Variants in RYR3 observed in about 807,000 individuals in gnomAD.
RYR3 encodes the protein ryanodine receptor 3.
RYR3 carries 207 observed loss-of-function variants against 584.3 expected under a neutral mutation model. The observed-to-expected ratio is 0.35, with a 90% CI of 0.32 to 0.40. RYR3 has a LOEUF of 0.40. Among genes scored for constraint, RYR3 ranks in the 10% least tolerant of loss-of-function variants. The probability of loss-of-function intolerance (pLI) is 1.00; values close to 1 mark genes in which losing one functional copy is unlikely to be tolerated. For synonymous variants in RYR3, 2,416 were observed against 2,248.5 expected (o/e 1.07, Z -2.11); for missense variants, 5,616 against 6,089.2 (o/e 0.92, Z 2.59).
At position 33,750,608 on chromosome 15, in the gene RYR3, C is replaced by T. The variant is rs1000348956; in HGVS notation, c.8399+322C>T. On this transcript the variant is annotated intron_variant, in intron 57 of 103. Transcript: ENST00000634891. ...CTAAGGCCCTTTCTTTGTATATTCT[C>T]TTTATTGGAGTTATAAATGACATCC... Among the ~76,000 whole-genome samples, 5 of 152,312 alleles carry T rather than the reference C, an allele frequency of 3.3e-5. No homozygotes were observed. The East Asian group carries it at 9.6e-4, about 29-fold the overall frequency.
intron 1 of RYR3, among the ~76,000 whole-genome samples, chr15:33,316,956 C>G (rs1968260939): frequency 1.3e-5 from 2 of 152,328 alleles, no homozygotes; most frequent in East Asian, 3.9e-4. Context: ...CCAACTGCAA[C>G]TATTCTTAAG....
intron 43 of RYR3, among the ~76,000 whole-genome samples, chr15:33,714,985 G>A (rs1303014108): frequency 1.3e-5 from 2 of 152,240 alleles, no homozygotes; most frequent in Admixed American, 6.5e-5. Flanking sequence ...AAATGATGGT[G>A]TTTATTGGAA....
At chr15:33,359,593 CTTATTTAT>C (rs34142769) in intron 1 of RYR3, among the ~76,000 whole-genome samples, 3,521 of 144,886 alleles carry the variant, frequency 0.024, 46 homozygotes, top group Middle Eastern at 0.033. Flanking sequence ...TCCCTGACCC[CTTATTTAT>C]TTATTTATTT....
intron 19 of RYR3, among the ~76,000 whole-genome samples, chr15:33,623,453 A>G (rs904780205): frequency 6.6e-6 from 1 of 152,332 alleles, no homozygotes. Context: ...TATGATCTTT[A>G]CAGAGAATAA....
In RYR3 at chr15:33,769,108, C is replaced by G; in HGVS notation, c.8756-4C>G. 1.9e-6 allele frequency: 3 copies of G among 1,609,954 alleles called. No individual in the cohort carries two copies. Among genetic ancestry groups the G allele is most frequent in the East Asian group, 2.2e-5 (1 of 44,856 alleles). ...GGAATCACAGATGATTTTTTTTATT[C>G]CAGGTAGTGATTCTACTACAATGGT... On this transcript the variant is annotated splice_polypyrimidine_tract_variant and splice_region_variant and intron_variant, in intron 61 of 103. Transcript: ENST00000634891.
chr15:33,462,186 G>T (rs1285806477), intron 1 of RYR3, among the ~76,000 whole-genome samples: 1 of 152,066 alleles, frequency 6.6e-6, no homozygotes, highest in Non-Finnish European at 1.5e-5. Flanking sequence ...TAACTTTATA[G>T]AGCATCTTTT....
chr15:33,760,492 C>A (rs1289067688), intron 60 of RYR3, among the ~76,000 whole-genome samples: 3 of 151,976 alleles, frequency 2.0e-5, no homozygotes, highest in African/African-American at 7.3e-5. Context: ...CAACAAAGAT[C>A]AAAAAAGACA....
At chr15:33,699,868 C>G (rs1198664519) in intron 41 of RYR3, 35 bp downstream of exon 41, 3 of 1,599,614 alleles carry the variant, frequency 1.9e-6, no homozygotes, top group African/African-American at 2.7e-5. Flanking sequence ...CACATCCAAA[C>G]TCGAAGGTTA....
At position 33,810,531 on chromosome 15, in the gene RYR3, A is replaced by T. The variant is rs1441061793; in HGVS notation, c.10079A>T (p.Tyr3360Phe). Residue 3360 changes from tyrosine (Y) to phenylalanine (F), a missense_variant, in exon 71 of 104, where the codon TAT (tyrosine) becomes TTT (phenylalanine). Tyr to Phe is a conservative substitution (Grantham distance 22). Transcript: ENST00000634891. ...AAGACAAAGCGGCGGGGAGACTTGT[A>T]TTCCATCCAGACCTCCCTCATCGTG... ...RKKTKRRGDL[Y>F]SIQTSLIVAA... 6.2e-7 allele frequency: 1 copy of T among 1,614,004 alleles called. No individual in the cohort carries two copies. The highest frequency in any genetic ancestry group is 8.5e-7 in the Non-Finnish European group (1 of 1,179,880).
At chr15:33,800,745 C>G (rs370690313) in intron 67 of RYR3, 25 bp from the exon 68 acceptor site, 17 of 1,541,042 alleles carry the variant, frequency 1.1e-5, no homozygotes, top group Non-Finnish European at 1.5e-5. Flanking sequence ...ATTTCAAATG[C>G]CTGTTTATTT....
At chr15:33,602,308 T>A (rs1440040396) in intron 17 of RYR3, among the ~76,000 whole-genome samples, 1 of 152,230 alleles carries the variant, frequency 6.6e-6, no homozygotes, top group Non-Finnish European at 1.5e-5. Flanking sequence ...TCTAAAAGTA[T>A]GATTCCTAAC....
intron 85 of RYR3, among the ~76,000 whole-genome samples, chr15:33,828,354 C>T (rs180753828): frequency 2.2e-3 from 338 of 152,316 alleles, no homozygotes; most frequent in Admixed American, 4.1e-3. Flanking sequence ...GGAAGAGTCA[C>T]ACATCTCCCA....
At chr15:33,781,808 T>C (rs1212521119) in intron 65 of RYR3, among the ~76,000 whole-genome samples, 1 of 143,856 alleles carries the variant, frequency 7.0e-6, no homozygotes, top group Admixed American at 6.8e-5. Context: ...CCTCAACCGC[T>C]TCAGCCTCAT....
At chr15:33,631,136 C>T (rs752620073) in intron 22 of RYR3, 74 bp from the exon 23 acceptor site, 26 of 914,040 alleles carry the variant, frequency 2.8e-5, no homozygotes, top group Admixed American at 5.2e-5. Flanking sequence ...GTTTTCAACT[C>T]GGATGTGAAT....
At chr15:33,514,006 A>G (rs1356859641) in intron 3 of RYR3, among the ~76,000 whole-genome samples, 16 of 152,154 alleles carry the variant, frequency 1.1e-4, no homozygotes, top group Admixed American at 1.0e-3. Flanking sequence ...CACGCATTCC[A>G]TGTACTAAGT....
At chr15:33,735,660 A>G (rs1596359168) in intron 48 of RYR3, among the ~76,000 whole-genome samples, 1 of 152,084 alleles carries the variant, frequency 6.6e-6, no homozygotes, top group Non-Finnish European at 1.5e-5. Context: ...TGTGCCATGA[A>G]CTCTGTAATT....
rs1337382416 is a variant in RYR3 at position 33,325,785 on chromosome 15, T to C, written c.51+14689T>C. 3.5e-5 allele frequency among the ~76,000 whole-genome samples: 5 copies of C among 142,556 alleles called. No homozygotes were observed. In the Admixed American group the frequency reaches 3.6e-4, roughly 10 times the overall value. 93.5% of individuals were successfully genotyped at this position (142,556 alleles called of 152,430 possible). A position where few individuals can be genotyped will look rare whatever the true frequency, so the allele number is the denominator to read the frequency against. ...TCCTTCCTTCCTTCCTTCTTTCTTTTCTTTTCTCTTTTCATTTCTTTTCTT... is the reference window on the plus strand; with the variant it reads ...TCCTTCCTTCCTTCCTTCTTTCTTTCCTTTTCTCTTTTCATTTCTTTTCTT... On this transcript the variant is annotated intron_variant, in intron 1 of 103. Transcript: ENST00000634891.
intron 60 of RYR3, among the ~76,000 whole-genome samples, chr15:33,759,204 G>C (rs1835286): frequency 0.041 from 6,197 of 152,240 alleles, 395 homozygotes; most frequent in African/African-American, 0.14. Flanking sequence ...GCACAAAAAG[G>C]CTAAAAAATT....
chr15:33,579,822 G>A (rs2058500479), intron 12 of RYR3, among the ~76,000 whole-genome samples, 154 bp from the exon 13 acceptor site: 1 of 152,108 alleles, frequency 6.6e-6, no homozygotes, highest in South Asian at 2.1e-4. Context: ...CTGATATCTG[G>A]GAAACTTCAT....
Sources: gnomAD v4.1 joint callset for allele counts (sites outside exome capture counted in the v4.1 genomes callset) on GRCh38, gnomAD v4.1.1 for gene constraint, MANE v1.5 for transcripts, NCBI Gene and HGNC (gene_info 2026-07-23, HGNC 2026-07-21) for gene names.